Variants in DACH1 observed in about 807,000 individuals in gnomAD.
The protein encoded by DACH1 is dachshund family transcription factor 1.
Under a neutral mutation model 54.2 loss-of-function variants are expected in DACH1, and 12 were observed. The ratio of observed to expected loss-of-function variants is 0.22; its 90% CI spans 0.14 to 0.36. DACH1 has a LOEUF of 0.36. DACH1 is among the 10% of genes least tolerant of loss of function. The probability of loss-of-function intolerance (pLI) is 1.00; values close to 1 mark genes in which losing one functional copy is unlikely to be tolerated. For missense variants in DACH1, 805 were observed against 929.8 expected (o/e 0.87, Z 1.75); for synonymous variants, 386 against 366.2 (o/e 1.05, Z -0.62).
At chr13:71,773,308 C>T (rs1259441914) in intron 1 of DACH1, among the ~76,000 whole-genome samples, 1 of 151,818 alleles carries the variant, frequency 6.6e-6, no homozygotes, top group Non-Finnish European at 1.5e-5. Context: ...GTTTAATTTA[C>T]AGAATCTCTT....
chr13:71,748,912 CTTTCTT>C, intron 1 of DACH1, among the ~76,000 whole-genome samples: 55 of 34,986 alleles, frequency 1.6e-3, no homozygotes, highest in African/African-American at 3.6e-3. Context: ...TTCTTTCTTT[CTTTCTT>C]TCTTTCTTTC....
chr13:71,714,615 A>C (rs1035411452), intron 1 of DACH1, among the ~76,000 whole-genome samples: 1 of 152,086 alleles, frequency 6.6e-6, no homozygotes, highest in Non-Finnish European at 1.5e-5. Flanking sequence ...GTGGAATTTT[A>C]TTATATTTAG....
In DACH1 at chr13:71,736,541, C is replaced by T. The variant is rs1412159761; in HGVS notation, c.849-54631G>A. Among the ~76,000 whole-genome samples the T allele has an allele frequency of 3.3e-5, 5 of 151,984 alleles. No individual in the cohort carries two copies. The East Asian group carries it at 5.8e-4, about 18-fold the overall frequency. ...TTGCTGAAAGACAAATGGAATGGGG[C>T]CCGATATACTTGAAAGGGTTGGATG... is the stretch of plus-strand genomic sequence containing the variant. On this transcript the variant is annotated intron_variant, in intron 1 of 10. Coordinates refer to ENST00000613252, the MANE Select transcript of DACH1 (RefSeq NM_080759.6).
At chr13:71,553,484 T>C (rs568198507) in intron 6 of DACH1, among the ~76,000 whole-genome samples, 13 of 145,282 alleles carry the variant, frequency 8.9e-5, no homozygotes, top group Non-Finnish European at 1.5e-4. Context: ...GATATATATA[T>C]ACATATATAT....
intron 3 of DACH1, among the ~76,000 whole-genome samples, chr13:71,608,448 A>G (rs1049075915): frequency 2.6e-5 from 4 of 152,080 alleles, no homozygotes; most frequent in Non-Finnish European, 4.4e-5. Context: ...TGACCTTACT[A>G]GACTATCATA....
chr13:71,815,902 G>A (rs943057628), intron 1 of DACH1, among the ~76,000 whole-genome samples: 23 of 151,962 alleles, frequency 1.5e-4, no homozygotes, highest in African/African-American at 5.3e-4. Flanking sequence ...TGGCTAACAC[G>A]GTGAAACCCC....
chr13:71,765,095 A>G (rs1022471244), intron 1 of DACH1, among the ~76,000 whole-genome samples: 4 of 152,148 alleles, frequency 2.6e-5, no homozygotes, highest in Admixed American at 2.6e-4. Context: ...AATACAGTCT[A>G]CTAACCCTGG....
At chr13:71,851,523 A>C (rs1391814446) in intron 1 of DACH1, among the ~76,000 whole-genome samples, 1 of 152,130 alleles carries the variant, frequency 6.6e-6, no homozygotes, top group Non-Finnish European at 1.5e-5. Context: ...CAGTTTTGTA[A>C]ATAGAATAAG....
chr13:71,725,811 T>G (rs1883444258), intron 1 of DACH1, among the ~76,000 whole-genome samples: 1 of 152,102 alleles, frequency 6.6e-6, no homozygotes, highest in Non-Finnish European at 1.5e-5. Context: ...AGTGGAAGAT[T>G]TAAGGAAAGC....
chr13:71,778,975 A>C (rs1161829347), intron 1 of DACH1, among the ~76,000 whole-genome samples: 1 of 151,668 alleles, frequency 6.6e-6, no homozygotes, highest in Non-Finnish European at 1.5e-5. Context: ...CTTTTTCAGC[A>C]AGATTTGAAT....
intron 1 of DACH1, among the ~76,000 whole-genome samples, chr13:71,805,722 TAGG>T (rs1294006649): frequency 6.6e-6 from 1 of 152,148 alleles, no homozygotes; most frequent in Non-Finnish European, 1.5e-5. Flanking sequence ...TAGCAATAAT[TAGG>T]AGGAGGTTTT....
rs553722082 is a variant in DACH1, at chr13:71,777,231, CCTT to C, written c.848+88688_848+88690del. Among the ~76,000 whole-genome samples the C allele has an allele frequency of 2.8e-4, 43 of 152,044 alleles. No homozygotes were observed. The South Asian group carries it at 7.9e-3, about 28-fold the overall frequency. Reference sequence around the variant, plus strand: ...CTTAAAGAGACAGGAAACATTTCCACCTTCTTCTTCTTGTCCGTACGGTATAGC... The same window carrying C: ...CTTAAAGAGACAGGAAACATTTCCACCTTCTTCTTGTCCGTACGGTATAGC... On this transcript the variant is annotated intron_variant, in intron 1 of 10. Coordinates refer to ENST00000613252, the MANE Select transcript of DACH1 (RefSeq NM_080759.6).
chr13:71,681,115 A>G (rs1180933889), intron 2 of DACH1, among the ~76,000 whole-genome samples: 1 of 152,112 alleles, frequency 6.6e-6, no homozygotes, highest in African/African-American at 2.4e-5. Context: ...TCCTGATGAA[A>G]CAATAAAGAT....
chr13:71,464,288 C>T (rs1178201068), intron 10 of DACH1, among the ~76,000 whole-genome samples: 4 of 151,550 alleles, frequency 2.6e-5, no homozygotes, highest in African/African-American at 7.3e-5. Flanking sequence ...TATGTATTTG[C>T]CATATGATTT....
chr13:71,576,918 G>A (rs1226644168), intron 3 of DACH1, among the ~76,000 whole-genome samples: 1 of 152,096 alleles, frequency 6.6e-6, no homozygotes, highest in African/African-American at 2.4e-5. Context: ...AATGGTTCCT[G>A]CTTAAATTTC....
intron 3 of DACH1, among the ~76,000 whole-genome samples, chr13:71,610,770 G>C (rs560378267): frequency 6.6e-6 from 1 of 152,220 alleles, no homozygotes; most frequent in East Asian, 1.9e-4. Flanking sequence ...GAAGAAAAAG[G>C]ATCTTAAAAG....
At chr13:71,827,086 G>A (rs1045466223) in intron 1 of DACH1, among the ~76,000 whole-genome samples, 9 of 151,998 alleles carry the variant, frequency 5.9e-5, no homozygotes, top group African/African-American at 2.2e-4. Context: ...ATCTAAATGT[G>A]AAATGATTTT....
At chr13:71,806,482 T>A (rs2080036750) in intron 1 of DACH1, among the ~76,000 whole-genome samples, 2 of 152,236 alleles carry the variant, frequency 1.3e-5, no homozygotes, top group African/African-American at 4.8e-5. Flanking sequence ...CTAGAAAAAA[T>A]TGTATTCTAT....
intron 1 of DACH1, among the ~76,000 whole-genome samples, chr13:71,718,575 G>GAAA (rs11318583): frequency 4.0e-4 from 53 of 134,028 alleles, no homozygotes; most frequent in African/African-American, 1.3e-3. Context: ...GACCATATCT[G>GAAA]AAAAAAAAAA....
Sources: allele counts gnomAD v4.1 joint callset (sites outside exome capture counted in the v4.1 genomes callset), GRCh38; gene constraint gnomAD v4.1.1; transcripts MANE v1.5; gene names NCBI Gene and HGNC (gene_info 2026-07-23, HGNC 2026-07-21).